The following EXOC6 variants were observed in gnomAD, a reference collection of about 807,000 sequenced individuals.
EXOC6 encodes SEC15-like 1.
In EXOC6, 60 loss-of-function variants were observed where a neutral mutation model predicts 112.5. The ratio of observed to expected loss-of-function variants is 0.53; its 90% CI spans 0.43 to 0.66. The LOEUF (loss-of-function observed/expected upper bound fraction) is 0.66. EXOC6 is among the 30% of genes least tolerant of loss of function. The pLI is 0.00. For synonymous variants in EXOC6, 295 were observed against 308.0 expected, an observed-to-expected ratio of 0.96 and a Z score of 0.44; for missense variants, 855 against 957.1, an observed-to-expected ratio of 0.89 and a Z score of 1.41.
At chr10:93,027,452 G>GT (rs1392101867) in intron 20 of EXOC6, among the ~76,000 whole-genome samples, 1 of 127,482 alleles carries the variant, frequency 7.8e-6, no homozygotes, top group Admixed American at 7.6e-5. Flanking sequence ...TTGGAAAAAG[G>GT]TATCAACTAT....
At chr10:92,889,193 T>C (rs951872995) in intron 1 of EXOC6, among the ~76,000 whole-genome samples, 1 of 152,234 alleles carries the variant, frequency 6.6e-6, no homozygotes, top group African/African-American at 2.4e-5. Context: ...CTCATGTGTA[T>C]ACTATACTAG....
At chr10:93,002,747 A>G (rs1843812999) in intron 19 of EXOC6, among the ~76,000 whole-genome samples, 1 of 152,204 alleles carries the variant, frequency 6.6e-6, no homozygotes, top group Non-Finnish European at 1.5e-5. Flanking sequence ...CCTTGCTAGC[A>G]TGAAGAGTTA....
chr10:92,864,791 C>T lies in EXOC6; in HGVS notation c.101+16157C>T, dbSNP rs568794186. The stretch of plus-strand genomic sequence containing the variant: ...CTGTGGGGCTTACACGAGCAGCCCC[C>T]CTGGTTTGCAGGCCTTTTGACTTGG... On this transcript the variant is annotated intron_variant, in intron 1 of 21. Coordinates refer to ENST00000260762, the MANE Select transcript of EXOC6 (RefSeq NM_019053.6). Among the ~76,000 whole-genome samples the T allele has an allele frequency of 7.2e-5, 11 of 152,132 alleles. No homozygotes were observed. In the South Asian group the frequency reaches 2.3e-3, roughly 32 times the overall value.
rs75663000 is a variant in EXOC6 at position 93,002,880 on chromosome 10, C to G, written c.2095+5265C>G. Among the ~76,000 whole-genome samples, 310 of 152,222 alleles carry G rather than the reference C, an allele frequency of 2.0e-3. 2 individuals are homozygous for G. Among genetic ancestry groups the G allele is most frequent in the African/African-American group, 7.2e-3 (300 of 41,548 alleles). On this transcript the variant is annotated intron_variant, in intron 19 of 21. Transcript: ENST00000260762. ...TAGTGATCACTTTCTCTTGAAGACT[C>G]TCAGAAATCTTTACTTAATAGCCTG...
At chr10:92,955,388 G>GTGTATA (rs781394983) in intron 16 of EXOC6, among the ~76,000 whole-genome samples, 192 bp from the exon 17 acceptor site, 4 of 147,672 alleles carry the variant, frequency 2.7e-5, no homozygotes, top group African/African-American at 1.0e-4. Flanking sequence ...GTGTGTGTGT[G>GTGTATA]TATATATATA....
chr10:92,951,491 A>G (rs930698219), intron 14 of EXOC6, among the ~76,000 whole-genome samples: 2 of 152,214 alleles, frequency 1.3e-5, no homozygotes, highest in African/African-American at 4.8e-5. Context: ...GTCAGGTAAC[A>G]TGAGAGCTGA....
At chr10:93,027,794 T>C (rs1356721194) in intron 20 of EXOC6, among the ~76,000 whole-genome samples, 1 of 152,228 alleles carries the variant, frequency 6.6e-6, no homozygotes, top group African/African-American at 2.4e-5. Flanking sequence ...AGAACTCTGA[T>C]GGATATGTAC....
intron 18 of EXOC6, among the ~76,000 whole-genome samples, chr10:92,986,163 G>A (rs945345793): frequency 6.6e-6 from 1 of 152,052 alleles, no homozygotes; most frequent in Admixed American, 6.6e-5. Flanking sequence ...TATGTTGAAT[G>A]TTGTTGACTG....
At chr10:92,843,623 C>T (rs1307507326), upstream of EXOC6, among the ~76,000 whole-genome samples, 3 of 150,270 alleles carry the variant, frequency 2.0e-5, no homozygotes, top group Non-Finnish European at 3.0e-5. Flanking sequence ...GCCGAGGCGG[C>T]GGATCACAAG....
intron 1 of EXOC6, among the ~76,000 whole-genome samples, chr10:92,892,100 G>C (rs1849531510): frequency 6.6e-6 from 1 of 152,120 alleles, no homozygotes; most frequent in Admixed American, 6.6e-5. Flanking sequence ...AACGGATGTG[G>C]GGTGAGGTTT....
At chr10:92,999,214 T>C in intron 19 of EXOC6, 2 of 416,304 alleles carry the variant, frequency 4.8e-6, no homozygotes, top group Non-Finnish European at 9.3e-6. Context: ...TTTTTTTTTT[T>C]TTTTACAAGT....
At chr10:93,054,363 T>G (rs1245473333) in intron 20 of EXOC6, among the ~76,000 whole-genome samples, 2 of 152,230 alleles carry the variant, frequency 1.3e-5, no homozygotes, top group Non-Finnish European at 2.9e-5. Flanking sequence ...ATTAATTCCT[T>G]AACCATTAAT....
intron 17 of EXOC6, among the ~76,000 whole-genome samples, chr10:92,968,787 A>T (rs771360501): frequency 2.6e-5 from 4 of 152,200 alleles, no homozygotes; most frequent in African/African-American, 9.6e-5. Flanking sequence ...TGAGATGGGG[A>T]TGATTCTCAT....
intron 18 of EXOC6, among the ~76,000 whole-genome samples, chr10:92,996,944 T>C (rs2134176380): frequency 6.6e-6 from 1 of 152,302 alleles, no homozygotes; most frequent in South Asian, 2.1e-4. Flanking sequence ...AGCTATGCTA[T>C]AGACTAATGT....
intron 6 of EXOC6, among the ~76,000 whole-genome samples, chr10:92,913,604 G>A (rs1850921816): frequency 6.6e-6 from 1 of 152,180 alleles, no homozygotes; most frequent in Non-Finnish European, 1.5e-5. Context: ...CCTCCCAAAA[G>A]CGGGCTTGAA....
intron 1 of EXOC6, among the ~76,000 whole-genome samples, chr10:92,852,409 G>T (rs1847395335): frequency 2.0e-5 from 3 of 152,140 alleles, no homozygotes; most frequent in Middle Eastern, 3.4e-3. Context: ...AAGAAAGAAA[G>T]ACATAACTAG....
chr10:92,991,493 A>G (rs969306965), intron 18 of EXOC6, among the ~76,000 whole-genome samples: 7 of 151,842 alleles, frequency 4.6e-5, no homozygotes, highest in Non-Finnish European at 8.8e-5. Flanking sequence ...TGGGACTGCC[A>G]TGGCAGAAGC....
chr10:92,878,095 G>T (rs1848765362), intron 1 of EXOC6: 1 of 154,122 alleles, frequency 6.5e-6, no homozygotes, highest in Non-Finnish European at 1.5e-5. Context: ...TCAGCCTTGG[G>T]AGTGGGTGTA....
At chr10:92,987,569 C>T in intron 18 of EXOC6, 1 of 940,344 alleles carries the variant, frequency 1.1e-6, no homozygotes, top group Non-Finnish European at 1.3e-6. Context: ...GATTAGAATA[C>T]ATTTTCCTTT....
Sources: allele counts gnomAD v4.1 joint callset (sites outside exome capture counted in the v4.1 genomes callset), GRCh38; gene constraint gnomAD v4.1.1; transcripts MANE v1.5; gene names NCBI Gene and HGNC (gene_info 2026-07-23, HGNC 2026-07-21).